CPXM2: variants seen among roughly 807,000 people sequenced by gnomAD.
CPXM2 encodes inactive carboxypeptidase-like protein X2.
In CPXM2, 66 loss-of-function variants were observed where a neutral mutation model predicts 86.1. The ratio of observed to expected loss-of-function variants is 0.77; its 90% confidence interval spans 0.63 to 0.94. CPXM2 has a LOEUF of 0.94. Ranked by LOEUF, CPXM2 falls within the 40% of genes least tolerant of loss-of-function variation. The probability of loss-of-function intolerance (pLI) is 0.00; values close to 1 mark genes in which losing one functional copy is unlikely to be tolerated. For missense variants in CPXM2, 948 were observed against 1,026.3 expected (o/e 0.92, Z 1.04); for synonymous variants, 388 against 400.2 (o/e 0.97, Z 0.36).
At chr10:123,878,474 G>A (rs1009476566) in intron 2 of CPXM2, among the ~76,000 whole-genome samples, 1 of 150,618 alleles carries the variant, frequency 6.6e-6, no homozygotes, top group Non-Finnish European at 1.5e-5. Flanking sequence ...AGGGAGGGGT[G>A]TACCCATGGC....
chr10:123,874,330 C>T (rs1944943195), intron 2 of CPXM2, among the ~76,000 whole-genome samples: 1 of 152,092 alleles, frequency 6.6e-6, no homozygotes, highest in African/African-American at 2.4e-5. Flanking sequence ...TCACTAATCC[C>T]ATTCATGAGA....
At chr10:123,802,471 T>C (rs150209482) in intron 4 of CPXM2, among the ~76,000 whole-genome samples, 25 of 152,358 alleles carry the variant, frequency 1.6e-4, no homozygotes, top group Non-Finnish European at 3.5e-4. Context: ...TCGTTGCTTA[T>C]AATTATGCTT....
At chr10:123,837,551 G>A (rs1164311136) in intron 4 of CPXM2, among the ~76,000 whole-genome samples, 1 of 152,048 alleles carries the variant, frequency 6.6e-6, no homozygotes, top group African/African-American at 2.4e-5. Context: ...TGGTTATAAT[G>A]GTTAGCACTC....
chr10:123,940,841 G>T (rs11493076), upstream of CPXM2, among the ~76,000 whole-genome samples: 43,314 of 151,868 alleles, frequency 0.29, 6,450 homozygotes, highest in Middle Eastern at 0.37. Flanking sequence ...ATTGCCTAGT[G>T]CTGCCGTCCA....
At chr10:123,843,215 T>G (rs940805758) in intron 3 of CPXM2, 14 of 445,344 alleles carry the variant, frequency 3.1e-5, no homozygotes, top group African/African-American at 1.8e-4. Flanking sequence ...GCCCTCTGAA[T>G]AGCTGGGACT....
At position 123,752,756 on chromosome 10, in the gene CPXM2, C is replaced by A. The variant is rs553118365; in HGVS notation, c.2017+1907G>T. ...GCTCAAATCATAGCTCTGCCACTCA[C>A]TGGGTAATCCTGGAACATCACGGAC... On this transcript the variant is annotated intron_variant, in intron 13 of 13. Coordinates refer to ENST00000241305, the MANE Select transcript of CPXM2 (RefSeq NM_198148.3). 53 of 231,696 alleles carry A rather than the reference C, an allele frequency of 2.3e-4. No individual in the cohort carries two copies. The South Asian group carries it at 8.1e-3, about 35-fold the overall frequency. The allele number at this position is 231,696 out of a possible 1,614,324, so 14.4% of individuals were successfully genotyped here. A position where few individuals can be genotyped will look rare whatever the true frequency, so the allele number is the denominator to read the frequency against.
intron 1 of CPXM2, among the ~76,000 whole-genome samples, chr10:123,883,165 G>A (rs1410382090): frequency 3.9e-5 from 6 of 152,208 alleles, no homozygotes; most frequent in Non-Finnish European, 7.3e-5. Context: ...GATGTCAGGC[G>A]AAGGTCCTAC....
At chr10:123,822,263 C>A (rs781667269) in intron 4 of CPXM2, among the ~76,000 whole-genome samples, 7 of 152,220 alleles carry the variant, frequency 4.6e-5, no homozygotes, top group Admixed American at 1.3e-4. Context: ...TCTTTATAGA[C>A]AGTGCAAACT....
At chr10:123,780,661 C>T (rs17678853) in intron 6 of CPXM2, among the ~76,000 whole-genome samples, 39,544 of 152,094 alleles carry the variant, frequency 0.26, 5,427 homozygotes, top group African/African-American at 0.31. Flanking sequence ...GAGTGAATAT[C>T]GTGACTACAC....
At chr10:123,929,781 G>C (rs1945651722) in intron 2 of CPXM2, among the ~76,000 whole-genome samples, 2 of 152,180 alleles carry the variant, frequency 1.3e-5, no homozygotes, top group Admixed American at 6.5e-5. Context: ...TTAGAGCGGG[G>C]TGTGCACCCA....
chr10:123,876,399 G>A (rs888019759), intron 2 of CPXM2, among the ~76,000 whole-genome samples: 10 of 152,178 alleles, frequency 6.6e-5, no homozygotes, highest in South Asian at 2.1e-4. Flanking sequence ...AACCGTGCAC[G>A]GGAATCACTG....
chr10:123,862,436 T>C (rs958559980), intron 3 of CPXM2, among the ~76,000 whole-genome samples, 178 bp downstream of exon 3: 14 of 152,220 alleles, frequency 9.2e-5, no homozygotes, highest in African/African-American at 3.1e-4. Context: ...GGAGAAGACA[T>C]TGCCTCCCTG....
At chr10:123,860,787 C>CT (rs5788633) in intron 3 of CPXM2, among the ~76,000 whole-genome samples, 67,290 of 152,026 alleles carry the variant, frequency 0.44, 15,701 homozygotes, top group African/African-American at 0.57. Context: ...TGTGTTCATC[C>CT]CTCATAAAAC....
chr10:123,904,854 C>G (rs1173910683), intron 2 of CPXM2, among the ~76,000 whole-genome samples: 2 of 148,362 alleles, frequency 1.3e-5, no homozygotes, highest in Admixed American at 6.8e-5. Context: ...CCTCATTTCC[C>G]CAACCTCTGT....
At chr10:123,915,121 T>C (rs1161646500) in intron 2 of CPXM2, among the ~76,000 whole-genome samples, 2 of 152,236 alleles carry the variant, frequency 1.3e-5, no homozygotes, top group Non-Finnish European at 2.9e-5. Context: ...AAATATTTCC[T>C]GCCTCAGGGC....
intron 2 of CPXM2, among the ~76,000 whole-genome samples, chr10:123,919,764 G>C (rs1238132587): frequency 6.6e-6 from 1 of 152,140 alleles, no homozygotes; most frequent in Non-Finnish European, 1.5e-5. Context: ...AGGTTTATTT[G>C]GCTCACAATT....
chr10:123,750,938 C>T (rs2133966892), intron 13 of CPXM2: 1 of 985,440 alleles, frequency 1.0e-6, no homozygotes, highest in Non-Finnish European at 1.2e-6. Flanking sequence ...TCTGGAATCA[C>T]TCACATTATG....
intron 4 of CPXM2, among the ~76,000 whole-genome samples, chr10:123,834,584 A>C (rs1848240689): frequency 6.6e-6 from 1 of 152,178 alleles, no homozygotes; most frequent in African/African-American, 2.4e-5. Context: ...TTGTGGAACA[A>C]AAAGGATGCT....
At chr10:123,811,069 C>G (rs1025107933) in intron 4 of CPXM2, among the ~76,000 whole-genome samples, 3 of 151,548 alleles carry the variant, frequency 2.0e-5, no homozygotes, top group Admixed American at 2.0e-4. Flanking sequence ...CTCAAGGTAA[C>G]TGAATATTAA....
Sources: gnomAD v4.1 joint callset for allele counts (sites outside exome capture counted in the v4.1 genomes callset) on GRCh38, gnomAD v4.1.1 for gene constraint, MANE v1.5 for transcripts, NCBI Gene and HGNC (gene_info 2026-07-23, HGNC 2026-07-21) for gene names.